Variants in CDH6 observed in about 807,000 individuals in gnomAD.
CDH6 encodes the protein cadherin 6.
Under a neutral mutation model 78.0 loss-of-function variants are expected in CDH6, and 31 were observed. The observed-to-expected ratio is 0.40, with a 90% CI of 0.30 to 0.54. The LOEUF is 0.54. CDH6 is among the 20% of genes least tolerant of loss of function. The pLI is 0.56. For synonymous variants in CDH6, 376 were observed against 368.8 expected (o/e 1.02, Z -0.23); for missense variants, 724 against 975.9 (o/e 0.74, Z 3.44).
chr5:31,245,899 CTTT>C (rs71612205), intron 1 of CDH6, among the ~76,000 whole-genome samples: 3,993 of 87,772 alleles, frequency 0.045, 50 homozygotes, highest in East Asian at 0.12. Flanking sequence ...CTCTCTCTCT[CTTT>C]TTTTTTTTTT....
At chr5:31,274,052 C>T (rs1416004111) in intron 2 of CDH6, among the ~76,000 whole-genome samples, 1 of 152,192 alleles carries the variant, frequency 6.6e-6, no homozygotes, top group African/African-American at 2.4e-5. Flanking sequence ...AAATTTAATG[C>T]TCAGCCATTT....
rs200424636 is a variant in CDH6, at chr5:31,305,403, C to T, written c.1229C>T (p.Pro410Leu). 1.4e-5 allele frequency: 23 copies of T among 1,613,684 alleles called. No homozygotes were observed. The highest frequency in any genetic ancestry group is 1.9e-5 in the Non-Finnish European group (23 of 1,179,758). Reference sequence around the variant, plus strand: ...ATAGGCTCCGTCACAGCCCAAGATCCAGATGCTGCCAGGAATCCTGTCAAG... The same window carrying T: ...ATAGGCTCCGTCACAGCCCAAGATCTAGATGCTGCCAGGAATCCTGTCAAG... The part of the protein sequence containing the change: ...TTIGSVTAQD[P>L]DAARNPVKYS... Residue 410 changes from proline to leucine, a missense_variant, in exon 7 of 12, where the codon CCA (proline) becomes CTA (leucine). Physicochemically the swap from Pro to Leu is moderately conservative, Grantham distance 98. Transcript: ENST00000265071.
At chr5:31,237,628 C>T (rs960625242) in intron 1 of CDH6, among the ~76,000 whole-genome samples, 1 of 152,166 alleles carries the variant, frequency 6.6e-6, no homozygotes, top group Non-Finnish European at 1.5e-5. Context: ...TAAAAATTGA[C>T]TTTTCATCCC....
rs184433268 is a variant in CDH6 at position 31,271,255 on chromosome 5, T to G, written c.228+3554T>G. 2.5e-3 allele frequency among the ~76,000 whole-genome samples: 381 copies of G among 149,968 alleles called. 5 individuals carry two copies. The highest frequency in any genetic ancestry group is 0.023 in the Admixed American group (346 of 15,198). ...GATGGTGGAGTGAGGAAAATGAGAG[T>G]AAGTGAGGGAAACAAAAGGCTTTCA... On this transcript the variant is annotated intron_variant, in intron 2 of 11. Transcript: ENST00000265071.
intron 1 of CDH6, among the ~76,000 whole-genome samples, chr5:31,215,340 AT>A (rs1454845429): frequency 1.3e-5 from 2 of 152,146 alleles, no homozygotes; most frequent in African/African-American, 4.8e-5. Flanking sequence ...TGTGAAGGTA[AT>A]AGGTTTAGGG....
chr5:31,315,942 G>A (rs530824516), intron 8 of CDH6, among the ~76,000 whole-genome samples: 2 of 152,220 alleles, frequency 1.3e-5, no homozygotes, highest in South Asian at 4.1e-4. Context: ...TTGGTTTTGT[G>A]TTATCTTAAG....
At chr5:31,199,695 A>G (rs978449028) in intron 1 of CDH6, among the ~76,000 whole-genome samples, 2 of 128,190 alleles carry the variant, frequency 1.6e-5, no homozygotes, top group African/African-American at 3.1e-5. Context: ...GTATATATAT[A>G]TATATATATA....
rs114482929 is a variant in CDH6 at position 31,324,873 on chromosome 5, G to A, written c.*1565G>A. On this transcript the variant is annotated 3_prime_UTR_variant, in exon 12 of 12. Transcript: ENST00000265071. ...TTGTGCAGTCATCAGAAATTCCAGC[G>A]TACTATAATGAAAACATCCTTGTTT... The A allele has an allele frequency of 3.2e-3, 650 of 202,966 alleles. 4 individuals are homozygous for A. Among genetic ancestry groups the A allele is most frequent in the African/African-American group, 0.011 (491 of 43,708 alleles). 12.6% of individuals were successfully genotyped at this position (202,966 alleles called of 1,614,324 possible).
chr5:31,226,703 G>A (rs1741160882), intron 1 of CDH6, among the ~76,000 whole-genome samples: 1 of 152,116 alleles, frequency 6.6e-6, no homozygotes, highest in African/African-American at 2.4e-5. Context: ...GAAGAAAACG[G>A]TCAGTTCAAA....
At chr5:31,227,925 A>G (rs997645135) in intron 1 of CDH6, among the ~76,000 whole-genome samples, 7 of 152,208 alleles carry the variant, frequency 4.6e-5, no homozygotes, top group Admixed American at 4.6e-4. Flanking sequence ...CCACAAAACA[A>G]TACAAACTTA....
intron 2 of CDH6, among the ~76,000 whole-genome samples, chr5:31,292,804 C>CATATATATATATGTGTGCATATATAT (rs1737421821): frequency 3.2e-5 from 4 of 125,328 alleles, no homozygotes; most frequent in African/African-American, 1.3e-4. Context: ...TATGTGTGTG[C>CATATATATATATGTGTGCATATATAT]ATATATATAT....
intron 5 of CDH6, among the ~76,000 whole-genome samples, chr5:31,301,794 A>T (rs900024235): frequency 2.6e-5 from 4 of 152,254 alleles, no homozygotes; most frequent in Non-Finnish European, 1.5e-5. Flanking sequence ...TGAAGTTAAC[A>T]AAGGGCTTTG....
intron 2 of CDH6, among the ~76,000 whole-genome samples, chr5:31,270,698 AT>A (rs1265047711): frequency 6.6e-6 from 1 of 151,120 alleles, no homozygotes; most frequent in Non-Finnish European, 1.5e-5. Context: ...TATTTTATTT[AT>A]TTTTTCTTCT....
chr5:31,317,548 T>C, intron 10 of CDH6, 56 bp downstream of exon 10: 1 of 1,514,456 alleles, frequency 6.6e-7, no homozygotes, highest in Non-Finnish European at 9.1e-7. Context: ...CGTAACTGTT[T>C]CTGTATGTAT....
At chr5:31,219,311 A>ATAGG (rs1740946688) in intron 1 of CDH6, among the ~76,000 whole-genome samples, 1 of 152,086 alleles carries the variant, frequency 6.6e-6, no homozygotes, top group South Asian at 2.1e-4. Flanking sequence ...CTCTCTCTAG[A>ATAGG]TAGGTAGGTA....
At position 31,217,612 on chromosome 5, in the gene CDH6, G is replaced by C. The variant is rs145344143; in HGVS notation, c.-129+23726G>C. ...GGCCAGACACCATGCCAGACACTGG[G>C]ATGCTGTAATCAACAAGACATCCTC... On this transcript the variant is annotated intron_variant, in intron 1 of 11. Coordinates refer to ENST00000265071, the MANE Select transcript of CDH6 (RefSeq NM_004932.4). 4.3e-3 allele frequency among the ~76,000 whole-genome samples: 650 copies of C among 152,232 alleles called. 3 individuals carry two copies. The highest frequency in any genetic ancestry group is 0.015 in the African/African-American group (618 of 41,558).
chr5:31,319,209 CTCAT>C (rs1365277582), intron 11 of CDH6, among the ~76,000 whole-genome samples: 2 of 152,120 alleles, frequency 1.3e-5, no homozygotes, highest in African/African-American at 4.8e-5. Flanking sequence ...AGAGATAACT[CTCAT>C]CTGACAGTGG....
In CDH6 at chr5:31,325,393, ATGAAT is replaced by A. The variant is rs1738604117; in HGVS notation, c.*2089_*2093del. 9 of 232,492 alleles carry A rather than the reference ATGAAT, an allele frequency of 3.9e-5. No homozygotes were observed. The South Asian group carries it at 1.6e-3, about 42-fold the overall frequency. The allele number at this position is 232,492 out of a possible 1,614,324, so 14.4% of individuals were successfully genotyped here. A position where few individuals can be genotyped will look rare whatever the true frequency, so the allele number is the denominator to read the frequency against. ...AAGGCTATATGAGGTCTTCACTCTA[ATGAAT>A]TGATATGTATCATAGTCACAGGTAA... is the stretch of plus-strand genomic sequence containing the variant. On this transcript the variant is annotated 3_prime_UTR_variant, in exon 12 of 12. Transcript: ENST00000265071.
rs752924110 is a variant in CDH6 at position 31,294,122 on chromosome 5, C to T, written c.389C>T (p.Ala130Val). 6.2e-7 allele frequency: 1 copy of T among 1,613,846 alleles called. No homozygotes were observed. Among genetic ancestry groups the T allele is most frequent in the Admixed American group, 1.7e-5 (1 of 59,982 alleles). ...CCCGTTTACATCCTTCGAGCTCAAGCTATAAACAGAAGGACAGGGAGACCC... is the reference window on the plus strand; with the variant it reads ...CCCGTTTACATCCTTCGAGCTCAAGTTATAAACAGAAGGACAGGGAGACCC... ...EKPVYILRAQ[A>V]INRRTGRPVE... Residue 130 changes from alanine (A) to valine (V), a missense_variant, in exon 3 of 12, where the codon GCT (alanine) becomes GTT (valine). This residue lies in a region of CDH6 where 446 missense variants were observed against 684.5 expected (regional missense o/e 0.65). Transcript: ENST00000265071. This position sits in a 1 kb window ranked among gnomAD's most constrained non-coding sequence, Gnocchi z 4.1.
Sources: gnomAD v4.1 joint callset for allele counts (sites outside exome capture counted in the v4.1 genomes callset) on GRCh38, gnomAD v4.1.1 for gene constraint, gnomAD v4.1.1 regional missense constraint, Gnocchi (gnomAD v3.1) non-coding constraint, MANE v1.5 for transcripts, NCBI Gene and HGNC (gene_info 2026-07-23, HGNC 2026-07-21) for gene names.